The following ATP6V1H variants were observed in gnomAD, a reference collection of about 807,000 sequenced individuals.
The protein encoded by ATP6V1H is ATPase H+ transporting V1 subunit H.
A neutral mutation model predicts 71.7 loss-of-function variants in ATP6V1H; 39 were observed. The observed-to-expected ratio is 0.54, with a 90% CI of 0.42 to 0.71. ATP6V1H has a LOEUF of 0.71. Among genes scored for constraint, ATP6V1H ranks in the 30% least tolerant of loss-of-function variants. The pLI is 0.00. For synonymous variants in ATP6V1H, 192 were observed against 199.3 expected (o/e 0.96, Z 0.31); for missense variants, 509 against 594.9 (o/e 0.86, Z 1.50).
intron 12 of ATP6V1H, among the ~76,000 whole-genome samples, chr8:53,751,772 C>T (rs532368952): frequency 9.9e-5 from 15 of 151,956 alleles, no homozygotes; most frequent in Admixed American, 4.6e-4. Context: ...TGGGTTCAAG[C>T]GATTCTCCTG....
intron 9 of ATP6V1H, among the ~76,000 whole-genome samples, chr8:53,788,349 T>C (rs1005955624): frequency 6.6e-6 from 1 of 152,136 alleles, no homozygotes; most frequent in African/African-American, 2.4e-5. Flanking sequence ...TAAGTAAAAA[T>C]TTGAAATTAT....
chr8:53,743,828 A>G (rs1240265964), intron 12 of ATP6V1H, 138 bp from the exon 13 acceptor site: 6 of 595,336 alleles, frequency 1.0e-5, no homozygotes, highest in East Asian at 8.5e-5. Flanking sequence ...CTTTTTTTAC[A>G]TCATTTTCCC....
chr8:53,756,120 G>A (rs1457085201), intron 12 of ATP6V1H: 1 of 143,280 alleles, frequency 7.0e-6, no homozygotes, highest in Admixed American at 7.1e-5. Flanking sequence ...GCCCAGGCTG[G>A]AGTGCAGTGG....
chr8:53,799,243 T>A (rs1396712162), intron 8 of ATP6V1H, among the ~76,000 whole-genome samples: 3 of 152,208 alleles, frequency 2.0e-5, no homozygotes, highest in Non-Finnish European at 4.4e-5. Context: ...TATGCTGTTT[T>A]ATCATCCTAT....
chr8:53,780,608 G>A (rs1809079958), intron 9 of ATP6V1H, among the ~76,000 whole-genome samples: 1 of 151,918 alleles, frequency 6.6e-6, no homozygotes. Context: ...TGTTACATAT[G>A]TAGCCATGTG....
At chr8:53,780,957 T>G (rs1043195223) in intron 9 of ATP6V1H, among the ~76,000 whole-genome samples, 10 of 152,226 alleles carry the variant, frequency 6.6e-5, no homozygotes, top group African/African-American at 2.4e-4. Flanking sequence ...ACATCTGGGT[T>G]GGTTCCAAGT....
At chr8:53,770,499 G>A (rs1264310539) in intron 10 of ATP6V1H, among the ~76,000 whole-genome samples, 3 of 151,912 alleles carry the variant, frequency 2.0e-5, no homozygotes, top group South Asian at 2.1e-4. Context: ...CTAGTAATTC[G>A]GTATAACCAG....
At position 53,743,628 on chromosome 8, in the gene ATP6V1H, T is replaced by C. The variant is rs757622891; in HGVS notation, c.1340A>G (p.Gln447Arg). The change falls in exon 13 of 14, where the codon CAG (glutamine) becomes CGG (arginine). Residue 447 changes from glutamine to arginine, a missense_variant. Coordinates refer to ENST00000359530, the MANE Select transcript of ATP6V1H (RefSeq NM_015941.4). ...VMNHMHHEDQ[Q>R]VRYNALLAVQ... ...GGCCAGCAGAGCATTATAGCGGACC[T>C]GCTGGTCTTCATGATGCATGTGGTT... 9 of 1,614,016 alleles carry C rather than the reference T, an allele frequency of 5.6e-6. No individual in the cohort carries two copies. The highest frequency in any genetic ancestry group is 4.4e-5 in the South Asian group (4 of 91,044).
chr8:53,784,298 G>A (rs575010930), intron 9 of ATP6V1H, among the ~76,000 whole-genome samples: 18 of 151,952 alleles, frequency 1.2e-4, no homozygotes, highest in Admixed American at 3.3e-4. Flanking sequence ...TTATGTAATG[G>A]CCTTGTCTCT....
intron 10 of ATP6V1H, among the ~76,000 whole-genome samples, chr8:53,770,730 A>C (rs937460370): frequency 8.7e-5 from 13 of 150,248 alleles, no homozygotes; most frequent in Admixed American, 5.3e-4. Flanking sequence ...GATAATCAAT[A>C]ATAATTAGCT....
At chr8:53,841,257 G>A (rs1262604933) in intron 2 of ATP6V1H, among the ~76,000 whole-genome samples, 1 of 152,156 alleles carries the variant, frequency 6.6e-6, no homozygotes, top group Non-Finnish European at 1.5e-5. Flanking sequence ...CAGTCTAGCA[G>A]GTTTTGCCCC....
chr8:53,754,513 T>C (rs1807921757), intron 12 of ATP6V1H, among the ~76,000 whole-genome samples: 1 of 152,114 alleles, frequency 6.6e-6, no homozygotes, highest in Admixed American at 6.5e-5. Context: ...CCTAAACAAA[T>C]GGAACGAATC....
chr8:53,807,330 T>C (rs777519223), intron 7 of ATP6V1H, among the ~76,000 whole-genome samples: 2 of 151,830 alleles, frequency 1.3e-5, no homozygotes, highest in African/African-American at 2.4e-5. Context: ...CCAAGTGTGG[T>C]GGCTCACGTC....
chr8:53,765,491 ACACACACAC>A (rs1466931035), intron 11 of ATP6V1H, among the ~76,000 whole-genome samples: 2 of 148,832 alleles, frequency 1.3e-5, no homozygotes, highest in African/African-American at 5.0e-5. Context: ...ACACACACAC[ACACACACAC>A]AAGACCATCA....
At chr8:53,723,036 T>C (rs13272985) in intron 13 of ATP6V1H, among the ~76,000 whole-genome samples, 11,885 of 152,236 alleles carry the variant, frequency 0.078, 629 homozygotes, top group Non-Finnish European at 0.12. Flanking sequence ...TCCCACAAGA[T>C]ATGCAAAAAC....
At position 53,793,645 on chromosome 8, in the gene ATP6V1H, CA is replaced by C. The variant is rs971924293; in HGVS notation, c.870+2001del. Among the ~76,000 whole-genome samples, 30 of 146,148 alleles carry C rather than the reference CA, an allele frequency of 2.1e-4. No homozygotes were observed. In the South Asian group the frequency reaches 3.9e-3, roughly 19 times the overall value. On this transcript the variant is annotated intron_variant, in intron 9 of 13. Coordinates refer to ENST00000359530, the MANE Select transcript of ATP6V1H (RefSeq NM_015941.4). Reference sequence around the variant, plus strand: ...GGATGACAGAGTAAAAACCCTGTCTCAAAAAAAAAATGGTGGGGTACAGTGG... The same window carrying C: ...GGATGACAGAGTAAAAACCCTGTCTCAAAAAAAAATGGTGGGGTACAGTGG...
intron 13 of ATP6V1H, among the ~76,000 whole-genome samples, chr8:53,718,376 C>A (rs1179126890): frequency 6.7e-6 from 1 of 149,516 alleles, no homozygotes; most frequent in Non-Finnish European, 1.5e-5. Context: ...AACATCCTCT[C>A]CTACACAATT....
At chr8:53,780,006 A>G (rs1270180716) in intron 9 of ATP6V1H, among the ~76,000 whole-genome samples, 1 of 152,092 alleles carries the variant, frequency 6.6e-6, no homozygotes, top group African/African-American at 2.4e-5. Flanking sequence ...TAAAAATACA[A>G]AAATTAGCCA....
intron 11 of ATP6V1H, among the ~76,000 whole-genome samples, chr8:53,765,454 A>AACACACAC (rs59822523): frequency 1.8e-4 from 13 of 74,132 alleles, no homozygotes; most frequent in African/African-American, 6.0e-4. Flanking sequence ...CAACAACAAC[A>AACACACAC]ACACACACAC....
Sources: allele counts gnomAD v4.1 joint callset (sites outside exome capture counted in the v4.1 genomes callset), GRCh38; gene constraint gnomAD v4.1.1; transcripts MANE v1.5; gene names NCBI Gene and HGNC (gene_info 2026-07-23, HGNC 2026-07-21).